The following ATP6V0A1 variants were observed in gnomAD, a reference collection of about 807,000 sequenced individuals.
ATP6V0A1 encodes the protein V-type proton ATPase 116 kDa subunit a 1.
ATP6V0A1 carries 43 observed loss-of-function variants against 105.4 expected under a neutral mutation model. That is an observed-to-expected ratio of 0.41 (90% CI 0.32 to 0.53). ATP6V0A1 has a LOEUF of 0.53. ATP6V0A1 is among the 20% of genes least tolerant of loss of function. ATP6V0A1 has a pLI of 0.30. For missense variants in ATP6V0A1, 676 were observed against 1,051.1 expected, an observed-to-expected ratio of 0.64 and a Z score of 4.93; for synonymous variants, 362 against 372.8, an observed-to-expected ratio of 0.97 and a Z score of 0.33.
At position 42,500,822 on chromosome 17, in the gene ATP6V0A1, G is replaced by A. The variant is rs2091610089; in HGVS notation, c.1795G>A (p.Ala599Thr). 2 of 1,613,866 alleles carry A rather than the reference G, an allele frequency of 1.2e-6. No homozygotes were observed. The highest frequency in any genetic ancestry group is 8.5e-7 in the Non-Finnish European group (1 of 1,179,924). ...LIFYKWTAYDAHTSENAPSLL... is the reference protein window; with the variant it reads ...LIFYKWTAYDTHTSENAPSLL... Reference sequence around the variant, plus strand: ...TTTTTACAAGTGGACGGCCTATGATGCTCATACCTCTGAGAATGCACCAAG... The same window carrying A: ...TTTTTACAAGTGGACGGCCTATGATACTCATACCTCTGAGAATGCACCAAG... Residue 599 changes from alanine to threonine, a missense_variant, in exon 16 of 22, where the codon GCT becomes ACT. This residue lies in a region of ATP6V0A1 where 435 missense variants were observed against 642.2 expected (regional missense o/e 0.68). Coordinates refer to ENST00000343619, the MANE Select transcript of ATP6V0A1 (RefSeq NM_001130021.3).
Position 42,458,969 on chromosome 17 carries a change from T to TG in ATP6V0A1, c.-48+11dup, listed in dbSNP as rs912508630. 4 of 152,568 alleles carry TG rather than the reference T, an allele frequency of 2.6e-5. No individual in the cohort carries two copies. Among genetic ancestry groups the TG allele is most frequent in the Non-Finnish European group, 5.9e-5 (4 of 68,346 alleles). 9.5% of individuals were successfully genotyped at this position (152,568 alleles called of 1,614,324 possible). A position where few individuals can be genotyped will look rare whatever the true frequency, so the allele number is the denominator to read the frequency against. ...TGCTGTGGCGGAGTTTGGAGGTGAG[T>TG]GGGGGCTGTAGGTTTAGCGCAACAG... On this transcript the variant is annotated splice_region_variant and intron_variant, in intron 1 of 21. Transcript: ENST00000343619.
chr17:42,466,023 G>A (rs1219828571), intron 2 of ATP6V0A1, among the ~76,000 whole-genome samples: 2 of 152,164 alleles, frequency 1.3e-5, no homozygotes, highest in African/African-American at 2.4e-5. Flanking sequence ...GCCTGTCACT[G>A]AGAAGGTGAA....
chr17:42,463,226 C>T (rs562644670), intron 2 of ATP6V0A1, among the ~76,000 whole-genome samples: 35 of 149,680 alleles, frequency 2.3e-4, no homozygotes, highest in Non-Finnish European at 4.5e-4. Context: ...AGGCTGGTCT[C>T]GAACTCCTGA....
chr17:42,484,143 C>T (rs2089858202), intron 9 of ATP6V0A1, among the ~76,000 whole-genome samples: 2 of 151,934 alleles, frequency 1.3e-5, no homozygotes, highest in South Asian at 2.1e-4. Flanking sequence ...CTGCAAGCTC[C>T]ACCTCCCGGG....
intron 13 of ATP6V0A1, 73 bp from the exon 14 acceptor site, chr17:42,495,553 G>T: frequency 1.7e-6 from 2 of 1,149,938 alleles, no homozygotes; most frequent in South Asian, 1.3e-5. Context: ...ATTTATTTTG[G>T]GGTCAGTTTC....
At chr17:42,470,512 C>A in intron 5 of ATP6V0A1, 1 of 270,348 alleles carries the variant, frequency 3.7e-6, no homozygotes, top group South Asian at 4.1e-5. Flanking sequence ...TATATTTATA[C>A]TTATAAGGTA....
rs115766462 is a variant in ATP6V0A1 at position 42,501,558 on chromosome 17, G to A, written c.2004+254G>A. Among the ~76,000 whole-genome samples, 464 of 152,158 alleles carry A rather than the reference G, an allele frequency of 3.0e-3. 3 individuals are homozygous for A. The highest frequency in any genetic ancestry group is 0.011 in the African/African-American group (442 of 41,546). On this transcript the variant is annotated intron_variant, in intron 17 of 21. Transcript: ENST00000343619. ...GCCTCCTGTGTCACTGGGATTATAG[G>A]TGTACGCCACCACACCTGGCTAATT... is the stretch of plus-strand genomic sequence containing the variant.
chr17:42,462,283 A>G (rs956616388), intron 2 of ATP6V0A1, among the ~76,000 whole-genome samples: 2 of 151,826 alleles, frequency 1.3e-5, no homozygotes, highest in African/African-American at 4.8e-5. Flanking sequence ...CTATCTGCTT[A>G]AGAGGGAAAC....
At chr17:42,512,950 G>A (rs2092420838) in intron 19 of ATP6V0A1, among the ~76,000 whole-genome samples, 2 of 152,240 alleles carry the variant, frequency 1.3e-5, no homozygotes, top group African/African-American at 4.8e-5. Flanking sequence ...CAGCTTGACA[G>A]AGAGGCCCAG....
intron 6 of ATP6V0A1, among the ~76,000 whole-genome samples, chr17:42,478,088 A>G (rs1027607938): frequency 1.3e-5 from 2 of 151,968 alleles, no homozygotes; most frequent in African/African-American, 4.8e-5. Context: ...GGAAACCATC[A>G]TTCTCAGCAA....
chr17:42,496,558 A>C (rs1053511240), intron 14 of ATP6V0A1: 3 of 151,970 alleles, frequency 2.0e-5, no homozygotes, highest in Non-Finnish European at 2.9e-5. Flanking sequence ...AAAATAATAC[A>C]GGCTGGGCGA....
intron 14 of ATP6V0A1, among the ~76,000 whole-genome samples, chr17:42,498,542 T>C (rs2091390292): frequency 6.6e-6 from 1 of 152,084 alleles, no homozygotes. Flanking sequence ...AAATAAAAAT[T>C]GTCGACCGGG....
At chr17:42,467,603 G>T (rs1289818800) in intron 3 of ATP6V0A1, among the ~76,000 whole-genome samples, 2 of 152,158 alleles carry the variant, frequency 1.3e-5, no homozygotes, top group Admixed American at 1.3e-4. Context: ...TCTCACTAGT[G>T]TGTTAAGTGT....
intron 5 of ATP6V0A1, among the ~76,000 whole-genome samples, chr17:42,472,506 C>T (rs555175477): frequency 9.5e-4 from 144 of 152,076 alleles, no homozygotes; most frequent in South Asian, 2.1e-3. Context: ...AGGGGGATCA[C>T]GAGGTCAGGA....
chr17:42,517,056 GAT>G (rs1427252503), intron 21 of ATP6V0A1, among the ~76,000 whole-genome samples: 8 of 152,156 alleles, frequency 5.3e-5, no homozygotes, highest in Non-Finnish European at 1.5e-5. Context: ...GAGGCAGGCA[GAT>G]CACCTGAGGT....
chr17:42,507,155 C>T (rs1238350084), intron 17 of ATP6V0A1, among the ~76,000 whole-genome samples: 1 of 152,208 alleles, frequency 6.6e-6, no homozygotes, highest in Non-Finnish European at 1.5e-5. Flanking sequence ...TAGGCCCTTG[C>T]AGCCTTTACA....
At chr17:42,493,513 C>T (rs2090865882) in intron 11 of ATP6V0A1, among the ~76,000 whole-genome samples, 1 of 152,176 alleles carries the variant, frequency 6.6e-6, no homozygotes, top group Non-Finnish European at 1.5e-5. Context: ...GTTATCAGAG[C>T]TGCCAGGCAC....
chr17:42,519,925 T>C, intron 21 of ATP6V0A1: 1 of 155,980 alleles, frequency 6.4e-6, no homozygotes. Context: ...CCAGTGCCAC[T>C]GGCAAACAGT....
chr17:42,508,701 G>C, intron 19 of ATP6V0A1, 112 bp downstream of exon 19: 2 of 1,442,086 alleles, frequency 1.4e-6, no homozygotes, highest in African/African-American at 2.8e-5. Flanking sequence ...TGACTCCTGT[G>C]CCTCTGCATC....
Sources: gnomAD v4.1 joint callset for allele counts (sites outside exome capture counted in the v4.1 genomes callset) on GRCh38, gnomAD v4.1.1 for gene constraint, gnomAD v4.1.1 regional missense constraint, MANE v1.5 for transcripts, NCBI Gene and HGNC (gene_info 2026-07-23, HGNC 2026-07-21) for gene names.